The following IZUMO3 variants were observed in gnomAD, a reference collection of about 807,000 sequenced individuals.
IZUMO3 encodes the protein IZUMO family member 3.
Under a neutral mutation model 28.4 loss-of-function variants are expected in IZUMO3, and 36 were observed. That is an observed-to-expected ratio of 1.27 (90% CI 0.97 to 1.67). The LOEUF (loss-of-function observed/expected upper bound fraction) is 1.67. Ranked by LOEUF, IZUMO3 falls within the 40% of genes most tolerant of loss-of-function variation. The probability of loss-of-function intolerance (pLI) is 0.00; values close to 1 mark genes in which losing one functional copy is unlikely to be tolerated. For missense variants in IZUMO3, 387 were observed against 278.5 expected (o/e 1.39, Z -2.77); for synonymous variants, 126 against 99.2 (o/e 1.27, Z -1.61).
intron 2 of IZUMO3, 59 bp downstream of exon 2, chr9:24,545,153 C>G: frequency 6.6e-7 from 1 of 1,515,856 alleles, no homozygotes; most frequent in Non-Finnish European, 9.0e-7. Flanking sequence ...TTTCCCCAGC[C>G]AAATTTTCTG....
chr9:24,543,458 T>TTTTG (rs1378169096), intron 6 of IZUMO3, 91 bp from the exon 7 acceptor site: 4 of 926,090 alleles, frequency 4.3e-6, no homozygotes, highest in Non-Finnish European at 5.8e-6. Flanking sequence ...TTTTTTTTTT[T>TTTTG]TTTTTTTTTT....
intron 2 of IZUMO3, 46 bp downstream of exon 2, chr9:24,545,166 G>C: frequency 6.6e-7 from 1 of 1,521,388 alleles, no homozygotes; most frequent in Admixed American, 2.0e-5. Flanking sequence ...ATTTTCTGAG[G>C]CTTGCTTGAG....
Position 24,544,967 on chromosome 9 carries a change from C to G in IZUMO3, c.391+5G>C, listed in dbSNP as rs764837345. 2 of 1,542,370 alleles carry G rather than the reference C, an allele frequency of 1.3e-6. No homozygotes were observed. The highest frequency in any genetic ancestry group is 1.4e-5 in the African/African-American group (1 of 72,830). On this transcript the variant is annotated splice_donor_5th_base_variant and intron_variant, in intron 3 of 6. Coordinates refer to ENST00000543880, the MANE Select transcript of IZUMO3 (RefSeq NM_001365008.2). ...CAGTGCTGTTATATAGAAAGTTTTA[C>G]TTACCAATTTCAGAGAAGTTCTTTA...
In IZUMO3 at chr9:24,545,268, T is replaced by C; in HGVS notation, c.245A>G (p.Lys82Arg). 1 of 1,550,380 alleles carries C rather than the reference T, an allele frequency of 6.5e-7. No homozygotes were observed. The highest frequency in any genetic ancestry group is 8.7e-7 in the Non-Finnish European group (1 of 1,146,828). Reference protein sequence around the residue: ...LRVLAVQQVVKLRTWLKNEFY... With the variant: ...LRVLAVQQVVRLRTWLKNEFY... ...TTCATTCTTCAACCATGTTCTCAAC[T>C]TAACAACCTGCTGAACAGCTAGAGA... The change falls in exon 2 of 7, where the codon AAG becomes AGG. Residue 82 changes from lysine (K) to arginine (R), a missense_variant. Physicochemically the swap from Lys to Arg is conservative, Grantham distance 26. Coordinates refer to ENST00000543880, the MANE Select transcript of IZUMO3 (RefSeq NM_001365008.2).
In IZUMO3 at chr9:24,543,194, G is replaced by T. The variant is rs1436805511; in HGVS notation, c.*35C>A. 9 of 1,509,424 alleles carry T rather than the reference G, an allele frequency of 6.0e-6. No homozygotes were observed. The highest frequency in any genetic ancestry group is 1.4e-5 in the African/African-American group (1 of 71,324). 93.5% of individuals were successfully genotyped at this position (1,509,424 alleles called of 1,614,324 possible). A position where few individuals can be genotyped will look rare whatever the true frequency, so the allele number is the denominator to read the frequency against. Reference sequence around the variant, plus strand: ...TTGTACTTAGAGTCAACACTTAAGAGAATCATGAAAGACTTCTTGTCCATG... The same window carrying T: ...TTGTACTTAGAGTCAACACTTAAGATAATCATGAAAGACTTCTTGTCCATG... On this transcript the variant is annotated 3_prime_UTR_variant, in exon 7 of 7. Transcript: ENST00000543880.
rs1819580199 is a variant in IZUMO3, at chr9:24,545,762, C to T, written c.-113G>A. The stretch of plus-strand genomic sequence containing the variant: ...AGCCTGGTTCTGGATAGTCTGACTC[C>T]ACTTTTCCCGCTGTTTCCATCCCAC... On this transcript the variant is annotated 5_prime_UTR_variant, in exon 1 of 7. Transcript: ENST00000543880. 1 of 1,533,538 alleles carries T rather than the reference C, an allele frequency of 6.5e-7. No homozygotes were observed. The highest frequency in any genetic ancestry group is 8.8e-7 in the Non-Finnish European group (1 of 1,140,488). The allele number at this position is 1,533,538 out of a possible 1,614,324, so 95.0% of individuals were successfully genotyped here.
Position 24,543,300 on chromosome 9 carries a change from C to G in IZUMO3, c.649G>C (p.Glu217Gln). 6.5e-7 allele frequency: 1 copy of G among 1,548,860 alleles called. No homozygotes were observed. The highest frequency in any genetic ancestry group is 8.7e-7 in the Non-Finnish European group (1 of 1,145,936). ...AIRRSLKEYV[E>Q]KKLEELMGKI... ...CCCATTAATTCTTCAAGTTTCTTCT[C>G]CACATATTCCTTTAGCGACCTTCGT... The change falls in exon 7 of 7, where the codon GAG becomes CAG. Residue 217 changes from glutamate (E) to glutamine (Q), a missense_variant. Physicochemically the swap from Glu to Gln is conservative, Grantham distance 29 (BLOSUM62 2). Coordinates refer to ENST00000543880, the MANE Select transcript of IZUMO3 (RefSeq NM_001365008.2).
chr9:24,543,824 G>C (rs1191372879), intron 5 of IZUMO3, 70 bp from the exon 6 acceptor site: 5 of 1,052,402 alleles, frequency 4.8e-6, no homozygotes, highest in South Asian at 2.7e-5. Context: ...CATTTATTCA[G>C]AATAGAAAAC....
Position 24,544,074 on chromosome 9 carries a change from G to T in IZUMO3, c.490+127C>A, listed in dbSNP as rs1819523328. On this transcript the variant is annotated intron_variant, in intron 5 of 6. Coordinates refer to ENST00000543880, the MANE Select transcript of IZUMO3 (RefSeq NM_001365008.2). ...TCACCCAACACCCTAGCTCCATTTT[G>T]TAACACTACCATGACCTCCATTAAA... The T allele has an allele frequency of 1.1e-5, 8 of 699,372 alleles. No homozygotes were observed. In the South Asian group the frequency reaches 1.4e-4, roughly 12 times the overall value. The allele number at this position is 699,372 out of a possible 1,614,324, so 43.3% of individuals were successfully genotyped here.
Position 24,545,771 on chromosome 9 carries a change from C to T in IZUMO3, c.-122G>A, listed in dbSNP as rs1031480662. ...CTGGATAGTCTGACTCCACTTTTCC[C>T]GCTGTTTCCATCCCACTATCGGGCA... On this transcript the variant is annotated 5_prime_UTR_variant, in exon 1 of 7. Coordinates refer to ENST00000543880, the MANE Select transcript of IZUMO3 (RefSeq NM_001365008.2). 15 of 1,534,122 alleles carry T rather than the reference C, an allele frequency of 9.8e-6. No homozygotes were observed. Among genetic ancestry groups the T allele is most frequent in the South Asian group, 4.9e-5 (4 of 81,438 alleles).
intron 2 of IZUMO3, 52 bp downstream of exon 2, chr9:24,545,160 T>G: frequency 6.6e-7 from 1 of 1,521,258 alleles, no homozygotes; most frequent in Non-Finnish European, 8.9e-7. Flanking sequence ...AGCCAAATTT[T>G]CTGAGGCTTG....
chr9:24,545,201 C>T lies in IZUMO3; in HGVS notation c.301+11G>A. On this transcript the variant is annotated intron_variant, in intron 2 of 6. Transcript: ENST00000543880. The stretch of plus-strand genomic sequence containing the variant: ...GCAATACAAACTTTTAACATTGAAA[C>T]AGTACCTCACCTTTCCATGTTTCAT... 6.5e-7 allele frequency: 1 copy of T among 1,548,026 alleles called. No homozygotes were observed.
At position 24,545,624 on chromosome 9, in the gene IZUMO3, A is replaced by C. The variant is rs998653758; in HGVS notation, c.26T>G (p.Leu9Arg). 13 of 1,535,340 alleles carry C rather than the reference A, an allele frequency of 8.5e-6. No homozygotes were observed. Among genetic ancestry groups the C allele is most frequent in the Non-Finnish European group, 1.0e-5 (12 of 1,146,686 alleles). Residue 9 changes from leucine to arginine, a missense_variant, in exon 1 of 7, where the codon CTC becomes CGC. Transcript: ENST00000543880. ...TCCATGGAAGGCTGAGAGGGGCAGG[A>C]GCAGGAATAACCACAGGTCACCCAT... MGDLWLFL[L>R]LPLSAFHGVK...
At chr9:24,543,871 C>T in intron 5 of IZUMO3, 117 bp from the exon 6 acceptor site, 2 of 695,438 alleles carry the variant, frequency 2.9e-6, no homozygotes, top group Non-Finnish European at 5.0e-6. Flanking sequence ...ACTACTTCAT[C>T]ACTGTTCCAT....
At position 24,545,613 on chromosome 9, in the gene IZUMO3, A is replaced by C. The variant is rs1377628942; in HGVS notation, c.37T>G (p.Ser13Ala). 5 of 1,535,238 alleles carry C rather than the reference A, an allele frequency of 3.3e-6. No homozygotes were observed. Among genetic ancestry groups the C allele is most frequent in the Non-Finnish European group, 4.4e-6 (5 of 1,146,688 alleles). ...DLWLFLLLPL[S>A]AFHGVKGCLE... ...CAGCCTTTGACTCCATGGAAGGCTG[A>C]GAGGGGCAGGAGCAGGAATAACCAC... The change falls in exon 1 of 7, where the codon TCA becomes GCA. Residue 13 changes from serine (S) to alanine (A), a missense_variant. Physicochemically the swap from Ser to Ala is moderately conservative, Grantham distance 99. Coordinates refer to ENST00000543880, the MANE Select transcript of IZUMO3 (RefSeq NM_001365008.2).
In IZUMO3 at chr9:24,543,438, G is replaced by GTTTTTTTTTTTTT. The variant is rs33972842; in HGVS notation, c.582-84_582-72dup. ...CCATTCTTTAAGCCAGTTATACATT[G>GTTTTTTTTTTTTT]TTTTTTTTTTTTTTTTTTTTTTTTT... On this transcript the variant is annotated intron_variant, in intron 6 of 6. Transcript: ENST00000543880. 7.9e-4 allele frequency: 30 copies of GTTTTTTTTTTTTT among 37,810 alleles called. 7 individuals are homozygous for GTTTTTTTTTTTTT. The highest frequency in any genetic ancestry group is 1.0e-3 in the Non-Finnish European group (25 of 23,822). The allele number at this position is 37,810 out of a possible 1,614,324, so 2.3% of individuals were successfully genotyped here. A position where few individuals can be genotyped will look rare whatever the true frequency, so the allele number is the denominator to read the frequency against.
intron 5 of IZUMO3, among the ~76,000 whole-genome samples, chr9:24,543,988 C>A (rs1819521791): frequency 1.3e-5 from 2 of 152,086 alleles, no homozygotes; most frequent in African/African-American, 2.4e-5. Flanking sequence ...CCAAGCCTAG[C>A]CTCTTCATTT....
In IZUMO3 at chr9:24,545,698, T is replaced by C; in HGVS notation, c.-49A>G. 1 of 1,534,168 alleles carries C rather than the reference T, an allele frequency of 6.5e-7. No homozygotes were observed. Reference sequence around the variant, plus strand: ...GACAGCAGGTTGTCCTGGCAACTAGTTCACTTAGTTCCTTTTCCTTCAAAA... The same window carrying C: ...GACAGCAGGTTGTCCTGGCAACTAGCTCACTTAGTTCCTTTTCCTTCAAAA... On this transcript the variant is annotated 5_prime_UTR_variant, in exon 1 of 7. Transcript: ENST00000543880.
intron 4 of IZUMO3, 22 bp downstream of exon 4, chr9:24,544,721 G>A (rs866760732): frequency 6.5e-7 from 1 of 1,548,012 alleles, no homozygotes; most frequent in Non-Finnish European, 8.7e-7. Flanking sequence ...AAACCTCAAG[G>A]CGTCACATGT....
Sources: gnomAD v4.1 joint callset for allele counts (sites outside exome capture counted in the v4.1 genomes callset) on GRCh38, gnomAD v4.1.1 for gene constraint, MANE v1.5 for transcripts, NCBI Gene and HGNC (gene_info 2026-07-23, HGNC 2026-07-21) for gene names.